GALNT16: variants seen among roughly 807,000 people sequenced by gnomAD.
GALNT16 encodes the protein polypeptide N-acetylgalactosaminyltransferase 16, also known as UDP-GalNAc:polypeptide N-acetylgalactosaminyltransferase-like protein 1.
In GALNT16, 40 loss-of-function variants were observed where a neutral mutation model predicts 76.1. The observed-to-expected ratio is 0.53, with a 90% confidence interval of 0.41 to 0.68. The LOEUF is 0.68. GALNT16 is among the 30% of genes least tolerant of loss of function. GALNT16 has a pLI of 0.00. For synonymous variants in GALNT16, 276 were observed against 285.2 expected (o/e 0.97, Z 0.32); for missense variants, 621 against 731.9 (o/e 0.85, Z 1.75).
the GALNT16 span, among the ~76,000 whole-genome samples, chr14:69,366,864 T>C: frequency 1.3e-5 from 2 of 152,132 alleles, no homozygotes; most frequent in Non-Finnish European, 2.9e-5. Context: ...AGAGCAGAGA[T>C]GATTGAGGGA....
intron 1 of GALNT16, among the ~76,000 whole-genome samples, chr14:69,285,133 C>T (rs572328388): frequency 9.9e-5 from 15 of 151,640 alleles, no homozygotes; most frequent in East Asian, 3.9e-4. Context: ...CTCCGCCTCC[C>T]GGGTTCACAC....
At chr14:69,347,727 A>G in intron 13 of GALNT16, 150 bp from the exon 14 acceptor site, 2 of 785,554 alleles carry the variant, frequency 2.5e-6, no homozygotes, top group African/African-American at 1.7e-5. Flanking sequence ...AGAATTATGC[A>G]GTGAATACCC....
rs80203333 is a variant in GALNT16, at chr14:69,353,095, A to G, written c.*927A>G. ...GGACCCACTGAAAGGACGGGTAGCC[A>G]CACACATCCCTGAGTAGTCCCAGCC... On this transcript the variant is annotated 3_prime_UTR_variant, in exon 15 of 15. Transcript: ENST00000448469. Among the ~76,000 whole-genome samples, 1,188 of 152,306 alleles carry G rather than the reference A, an allele frequency of 7.8e-3. 21 individuals are homozygous for G. Among genetic ancestry groups the G allele is most frequent in the African/African-American group, 0.028 (1,154 of 41,566 alleles).
intron 1 of GALNT16, among the ~76,000 whole-genome samples, chr14:69,276,415 G>A (rs550180799): frequency 6.6e-6 from 1 of 152,126 alleles, no homozygotes; most frequent in Non-Finnish European, 1.5e-5. Flanking sequence ...GGGTGCGGTG[G>A]CGCACGCCTG....
In GALNT16 at chr14:69,328,652, A is replaced by G. The variant is rs1050580196; in HGVS notation, c.690+81A>G. 1.6e-5 allele frequency: 23 copies of G among 1,448,130 alleles called. No homozygotes were observed. In the African/African-American group the frequency reaches 3.1e-4, roughly 19 times the overall value. 89.7% of individuals were successfully genotyped at this position (1,448,130 alleles called of 1,614,324 possible). A position where few individuals can be genotyped will look rare whatever the true frequency, so the allele number is the denominator to read the frequency against. On this transcript the variant is annotated intron_variant, in intron 6 of 14. Coordinates refer to ENST00000448469, the MANE Select transcript of GALNT16 (RefSeq NM_001168368.2). ...CTGGCACCGAGGCCTATGGGACAGT[A>G]TTTGAAGCTGGGCAGGCATCGTAGG...
chr14:69,325,891 C>A, intron 4 of GALNT16, 71 bp from the exon 5 acceptor site: 1 of 1,250,862 alleles, frequency 8.0e-7, no homozygotes, highest in Non-Finnish European at 1.2e-6. Context: ...GGGCAATTTT[C>A]ATGGCAGCCA....
At chr14:69,325,856 C>A in intron 4 of GALNT16, 106 bp from the exon 5 acceptor site, 1 of 863,768 alleles carries the variant, frequency 1.2e-6, no homozygotes, top group Admixed American at 1.9e-5. Flanking sequence ...ATCCCCATCC[C>A]CAACCCTTTC....
chr14:69,346,180 T>TACC (rs1299894906), intron 12 of GALNT16, among the ~76,000 whole-genome samples: 2 of 152,130 alleles, frequency 1.3e-5, no homozygotes, highest in African/African-American at 4.8e-5. Flanking sequence ...AGGTGTGGGC[T>TACC]ACCATGCCCA....
At chr14:69,357,463 A>C (rs2045701377), downstream of GALNT16, 1 of 152,234 alleles carries the variant, frequency 6.6e-6, no homozygotes, top group Non-Finnish European at 1.5e-5. Flanking sequence ...AGAATTCTAG[A>C]AGGAAGCTGT....
At position 69,261,999 on chromosome 14, in the gene GALNT16, G is replaced by C. The variant is rs1373741008; in HGVS notation, c.177+1532G>C. 6.6e-6 allele frequency among the ~76,000 whole-genome samples: 1 copy of C among 152,222 alleles called. No homozygotes were observed. The highest frequency in any genetic ancestry group is 6.5e-5 in the Admixed American group (1 of 15,274). On this transcript the variant is annotated intron_variant, in intron 1 of 14. Transcript: ENST00000448469. The surrounding 1 kb of genome is among the most constrained non-coding windows in gnomAD (Gnocchi z 6.4). Reference sequence around the variant, plus strand: ...GAGGCCCCAGAGTGTTGTGATCTGAGCAGAGGGACAGGTTGGAGCTGGAAC... The same window carrying C: ...GAGGCCCCAGAGTGTTGTGATCTGACCAGAGGGACAGGTTGGAGCTGGAAC...
intron 1 of GALNT16, 86 bp downstream of exon 1, chr14:69,260,553 C>G: frequency 3.0e-6 from 3 of 992,760 alleles, no homozygotes; most frequent in South Asian, 9.8e-5. Flanking sequence ...GCGCGGGGCC[C>G]GGCCAGGGCT....
intron 12 of GALNT16, among the ~76,000 whole-genome samples, chr14:69,343,210 G>A (rs1048817383): frequency 2.0e-5 from 3 of 152,230 alleles, no homozygotes; most frequent in African/African-American, 7.2e-5. Context: ...TCTCAAGGAT[G>A]CTGCCATGGC....
At chr14:69,264,437 T>C (rs1328725066) in intron 1 of GALNT16, among the ~76,000 whole-genome samples, 1 of 152,168 alleles carries the variant, frequency 6.6e-6, no homozygotes, top group Non-Finnish European at 1.5e-5. Context: ...TGTTGTGAAG[T>C]TTCTGCTTAT....
At chr14:69,305,760 T>A (rs1446564034) in intron 1 of GALNT16, among the ~76,000 whole-genome samples, 1 of 152,220 alleles carries the variant, frequency 6.6e-6, no homozygotes, top group Non-Finnish European at 1.5e-5. Context: ...GCAGAAGCTT[T>A]TTTAGTTAGA....
At chr14:69,299,493 C>T (rs573932945) in intron 1 of GALNT16, among the ~76,000 whole-genome samples, 17 of 152,252 alleles carry the variant, frequency 1.1e-4, no homozygotes, top group Admixed American at 5.9e-4. Context: ...GGCTGACCTC[C>T]GGGGGTGCTC....
At chr14:69,373,768 CTTTCTCTCTTTCCTT>C in the GALNT16 span, among the ~76,000 whole-genome samples, 2 of 150,824 alleles carry the variant, frequency 1.3e-5, no homozygotes, top group Non-Finnish European at 3.0e-5. Flanking sequence ...TTCTCTCTCT[CTTTCTCTCTTTCCTT>C]TTTCTTTTTT....
At chr14:69,316,776 A>AG (rs1181538070) in intron 1 of GALNT16, among the ~76,000 whole-genome samples, 6,342 of 67,538 alleles carry the variant, frequency 0.094, 213 homozygotes, top group Non-Finnish European at 0.12. Context: ...GTAGTCTGTG[A>AG]GGGGGGGGGG....
intron 12 of GALNT16, among the ~76,000 whole-genome samples, chr14:69,346,543 G>GTT (rs2045566812): frequency 6.6e-6 from 1 of 152,166 alleles, no homozygotes; most frequent in Non-Finnish European, 1.5e-5. Flanking sequence ...GTGTGTGTGT[G>GTT]TACAAATGTA....
At chr14:69,260,604 C>T (rs1385537465) in intron 1 of GALNT16, 137 bp downstream of exon 1, 1 of 525,696 alleles carries the variant, frequency 1.9e-6, no homozygotes, top group African/African-American at 2.0e-5. Context: ...TATGTTGGAG[C>T]ATTCCTGCCC....
Sources: gnomAD v4.1 joint callset for allele counts (sites outside exome capture counted in the v4.1 genomes callset) on GRCh38, gnomAD v4.1.1 for gene constraint, Gnocchi (gnomAD v3.1) non-coding constraint, MANE v1.5 for transcripts, NCBI Gene and HGNC (gene_info 2026-07-23, HGNC 2026-07-21) for gene names.